PROCR: variants seen among roughly 807,000 people sequenced by gnomAD.
PROCR encodes protein C receptor.
In PROCR, 22 loss-of-function variants were observed where a neutral mutation model predicts 24.2. That is an observed-to-expected ratio of 0.91 (90% CI 0.65 to 1.30). The LOEUF (loss-of-function observed/expected upper bound fraction) is 1.30. PROCR is among the 50% of genes most tolerant of loss of function. The pLI is 0.00. For synonymous variants in PROCR, 137 were observed against 139.2 expected, an observed-to-expected ratio of 0.98 and a Z score of 0.11; for missense variants, 288 against 307.7, an observed-to-expected ratio of 0.94 and a Z score of 0.48.
intron 1 of PROCR, among the ~76,000 whole-genome samples, chr20:35,191,614 T>G (rs1180767148): frequency 6.7e-6 from 1 of 149,592 alleles, no homozygotes; most frequent in Non-Finnish European, 1.5e-5. Flanking sequence ...ATGAAGGAAG[T>G]GCAAGAGTGG....
intron 1 of PROCR, among the ~76,000 whole-genome samples, chr20:35,190,628 G>T (rs1407772376): frequency 6.6e-6 from 1 of 152,066 alleles, no homozygotes; most frequent in Non-Finnish European, 1.5e-5. Flanking sequence ...GATTAGATTT[G>T]GTTTGTGGAA....
intron 1 of PROCR, among the ~76,000 whole-genome samples, chr20:35,204,616 C>T (rs540156057): frequency 1.0e-3 from 152 of 152,092 alleles, no homozygotes; most frequent in Non-Finnish European, 1.6e-3. Context: ...CTCAAGCAAT[C>T]TGCCTGCCTT....
At chr20:35,207,932 C>CTTCT (rs11471665) in intron 1 of PROCR, among the ~76,000 whole-genome samples, 120,781 of 151,736 alleles carry the variant, frequency 0.8, 48,392 homozygotes, top group African/African-American at 0.88. Context: ...TAAGTTATTC[C>CTTCT]GTCTCAAGAA....
At chr20:35,197,376 T>C (rs1015495867) in intron 1 of PROCR, among the ~76,000 whole-genome samples, 5 of 152,206 alleles carry the variant, frequency 3.3e-5, no homozygotes, top group Non-Finnish European at 5.9e-5. Flanking sequence ...GGCAAACCTA[T>C]AGTTGATAAA....
At chr20:35,191,609 G>A (rs1237015879) in intron 1 of PROCR, among the ~76,000 whole-genome samples, 1 of 151,966 alleles carries the variant, frequency 6.6e-6, no homozygotes, top group Non-Finnish European at 1.5e-5. Context: ...GAGATATGAA[G>A]GAAGTGCAAG....
intron 3 of PROCR, 80 bp downstream of exon 3, chr20:35,176,526 G>A: frequency 1.2e-6 from 2 of 1,601,278 alleles, no homozygotes; most frequent in East Asian, 4.5e-5. Flanking sequence ...AAGGATGGAT[G>A]CCTAGAGCAA....
At chr20:35,178,505 C>T (rs2086045204), downstream of PROCR, among the ~76,000 whole-genome samples, 1 of 74,928 alleles carries the variant, frequency 1.3e-5, no homozygotes, top group Non-Finnish European at 2.3e-5. Context: ...CTTCAAGTCT[C>T]AGTTTTTTTT....
At chr20:35,186,566 C>CA (rs571639984) in intron 1 of PROCR, among the ~76,000 whole-genome samples, 1,232 of 49,856 alleles carry the variant, frequency 0.025, 18 homozygotes, top group African/African-American at 0.053. Flanking sequence ...AACTCCATCT[C>CA]AAAAAAAAAA....
chr20:35,185,897 G>A (rs898578361), intron 1 of PROCR, among the ~76,000 whole-genome samples: 17 of 152,102 alleles, frequency 1.1e-4, no homozygotes, highest in African/African-American at 4.1e-4. Context: ...AAAAAGAATG[G>A]CTATAGGAAA....
At position 35,177,163 on chromosome 20, in the gene PROCR, T is replaced by C; in HGVS notation, c.*350T>C. On this transcript the variant is annotated 3_prime_UTR_variant, in exon 4 of 4. Transcript: ENST00000216968. ...AATCACCTGAGGCGTTCAAAAGATA[T>C]AACCAAATAAACAAGTCATCCACAA... 8.7e-7 allele frequency: 1 copy of C among 1,147,042 alleles called. No homozygotes were observed. The highest frequency in any genetic ancestry group is 1.1e-6 in the Non-Finnish European group (1 of 922,604). 71.1% of individuals were successfully genotyped at this position (1,147,042 alleles called of 1,614,324 possible). A position where few individuals can be genotyped will look rare whatever the true frequency, so the allele number is the denominator to read the frequency against.
In PROCR at chr20:35,184,542, T is replaced by C. The variant is rs530935327; in HGVS notation, c.94+8096T>C. Among the ~76,000 whole-genome samples the C allele has an allele frequency of 3.3e-5, 5 of 151,490 alleles. 1 individual carries two copies. The South Asian group carries it at 8.4e-4, about 25-fold the overall frequency. ...CGGTGAAACCCATCTCTACTAAAAA[T>C]ACAAAAAATTAGCTGGGCGTGGTGG... is the stretch of plus-strand genomic sequence containing the variant. On this transcript the variant is annotated intron_variant, in intron 1 of 1. Transcript: ENST00000634509.
At chr20:35,197,352 C>T (rs563645442) in intron 1 of PROCR, among the ~76,000 whole-genome samples, 2 of 152,202 alleles carry the variant, frequency 1.3e-5, no homozygotes, top group Non-Finnish European at 2.9e-5. Flanking sequence ...TCACAAATCA[C>T]ACCTATATAA....
At position 35,174,925 on chromosome 20, in the gene PROCR, C is replaced by T. The variant is rs777933660; in HGVS notation, c.294C>T (p.Arg98=). 102 of 1,585,126 alleles carry T rather than the reference C, an allele frequency of 6.4e-5. No individual in the cohort carries two copies. The highest frequency in any genetic ancestry group is 8.4e-5 in the Non-Finnish European group (98 of 1,166,342). Residue 98 remains arginine, a synonymous_variant, in exon 2 of 4, where the codon CGC becomes CGT. Transcript: ENST00000216968. The part of the protein sequence containing the change: ...SYLLQFHGLV[R]LVHQERTLAF... ...TGCTCCAGTTCCACGGCCTCGTGCG[C>T]CTGGTGCACCAGGAGCGGACCTTGG...
At chr20:35,171,987 C>T, upstream of PROCR, 1 of 691,666 alleles carries the variant, frequency 1.4e-6, no homozygotes, top group South Asian at 1.6e-5. Context: ...GTAGAAATAA[C>T]ACTTTATAAG....
chr20:35,206,346 G>A (rs1480382290), intron 1 of PROCR, among the ~76,000 whole-genome samples: 1 of 151,790 alleles, frequency 6.6e-6, no homozygotes, highest in East Asian at 2.0e-4. Context: ...ATGGTGGCAG[G>A]CACCTGTAAT....
rs117109128 is a variant in PROCR, at chr20:35,209,413, G to A, written c.95-6480G>A. On this transcript the variant is annotated intron_variant, in intron 1 of 1. Coordinates refer to the PROCR transcript ENST00000634509. ...GAATCCCACGAGACATTAAGGTATAGATGTGGAATAAGCAATCAGATTCAG... is the reference window on the plus strand; with the variant it reads ...GAATCCCACGAGACATTAAGGTATAAATGTGGAATAAGCAATCAGATTCAG... Among the ~76,000 whole-genome samples, 1,027 of 152,314 alleles carry A rather than the reference G, an allele frequency of 6.7e-3. 4 individuals carry two copies. The highest frequency in any genetic ancestry group is 0.011 in the Non-Finnish European group (765 of 68,028).
chr20:35,179,817 C>T (rs1330036577), downstream of PROCR, among the ~76,000 whole-genome samples: 1 of 152,124 alleles, frequency 6.6e-6, no homozygotes, highest in Non-Finnish European at 1.5e-5. Flanking sequence ...CTTATTTATC[C>T]CCATCTACCA....
intron 1 of PROCR, among the ~76,000 whole-genome samples, chr20:35,205,607 C>T (rs1263217888): frequency 4.7e-5 from 7 of 149,344 alleles, no homozygotes; most frequent in Admixed American, 2.7e-4. Flanking sequence ...CAAAATTAGC[C>T]GGGTGTGGTG....
chr20:35,188,313 C>T (rs6060292), intron 1 of PROCR, among the ~76,000 whole-genome samples: 39 of 152,172 alleles, frequency 2.6e-4, no homozygotes, highest in African/African-American at 9.2e-4. Flanking sequence ...TATTTTAACA[C>T]AGAAGGAATG....
Sources: allele counts gnomAD v4.1 joint callset (sites outside exome capture counted in the v4.1 genomes callset), GRCh38; gene constraint gnomAD v4.1.1; transcripts MANE v1.5; gene names NCBI Gene and HGNC (gene_info 2026-07-23, HGNC 2026-07-21).